The following CORO2B variants were observed in gnomAD, a reference collection of about 807,000 sequenced individuals.
CORO2B encodes coronin-2B.
Under a neutral mutation model 58.8 loss-of-function variants are expected in CORO2B, and 26 were observed. The ratio of observed to expected loss-of-function variants is 0.44; its 90% confidence interval spans 0.32 to 0.61. CORO2B has a LOEUF of 0.61. CORO2B is among the 20% of genes least tolerant of loss of function. The pLI, the probability that CORO2B is intolerant of heterozygous loss-of-function variation, is 0.04. For missense variants in CORO2B, 460 were observed against 645.1 expected, an observed-to-expected ratio of 0.71 and a Z score of 3.11; for synonymous variants, 242 against 253.8, an observed-to-expected ratio of 0.95 and a Z score of 0.44.
chr15:68,634,705 C>CT (rs1396692652), intron 1 of CORO2B, among the ~76,000 whole-genome samples: 1 of 152,140 alleles, frequency 6.6e-6, no homozygotes, highest in East Asian at 1.9e-4. Context: ...CCTCAGCAAT[C>CT]TATGTTTTCA....
intron 2 of CORO2B, among the ~76,000 whole-genome samples, chr15:68,646,912 G>A (rs1035360619): frequency 1.3e-5 from 2 of 152,082 alleles, no homozygotes; most frequent in Non-Finnish European, 2.9e-5. Context: ...TGAATCAGAT[G>A]GCCTCCGATC....
At chr15:68,551,126 C>T in the CORO2B span, among the ~76,000 whole-genome samples, 1 of 152,062 alleles carries the variant, frequency 6.6e-6, no homozygotes, top group Non-Finnish European at 1.5e-5. Context: ...TGGAGGTCCT[C>T]GCTCAGCCTT....
chr15:68,637,085 T>C (rs1332537171), intron 1 of CORO2B, among the ~76,000 whole-genome samples: 1 of 152,230 alleles, frequency 6.6e-6, no homozygotes, highest in Non-Finnish European at 1.5e-5. Flanking sequence ...TCCCAAATGT[T>C]GGTTCCACAG....
the CORO2B span, among the ~76,000 whole-genome samples, chr15:68,555,416 T>C: frequency 1.3e-5 from 2 of 152,286 alleles, no homozygotes; most frequent in Admixed American, 6.5e-5. Context: ...AAACCACTTA[T>C]GTCAAAGCCA....
At chr15:68,550,750 T>C in the CORO2B span, among the ~76,000 whole-genome samples, 1 of 152,104 alleles carries the variant, frequency 6.6e-6, no homozygotes, top group Non-Finnish European at 1.5e-5. Context: ...AAGAGGCAGG[T>C]GGGTGGCTTG....
At chr15:68,662,786 C>T (rs956070630) in intron 2 of CORO2B, among the ~76,000 whole-genome samples, 1 of 152,220 alleles carries the variant, frequency 6.6e-6, no homozygotes, top group Non-Finnish European at 1.5e-5. Context: ...CTGCAAATGA[C>T]ACCATGTATG....
intron 2 of CORO2B, among the ~76,000 whole-genome samples, chr15:68,685,368 A>G (rs1235667591): frequency 6.6e-6 from 1 of 152,052 alleles, no homozygotes; most frequent in East Asian, 1.9e-4. Context: ...GTGTCACCAC[A>G]TCCAGCTAAT....
At chr15:68,599,961 C>T (rs147325494) in intron 1 of CORO2B, among the ~76,000 whole-genome samples, 11 of 152,288 alleles carry the variant, frequency 7.2e-5, no homozygotes, top group Non-Finnish European at 1.6e-4. Flanking sequence ...CCCCTCCCAC[C>T]CCTTGGTGTG....
chr15:68,725,769 A>ACT, intron 11 of CORO2B, 74 bp from the exon 12 acceptor site: 1 of 1,581,556 alleles, frequency 6.3e-7, no homozygotes, highest in Non-Finnish European at 8.6e-7. Flanking sequence ...GCAGCTGGAG[A>ACT]CTCACCTGGG....
At chr15:68,574,602 G>C (rs2140544632), upstream of CORO2B, among the ~76,000 whole-genome samples, 2 of 151,684 alleles carry the variant, frequency 1.3e-5, no homozygotes, top group Middle Eastern at 3.4e-3. Context: ...CTTGAATCAG[G>C]AGGTTATTAA....
intron 2 of CORO2B, among the ~76,000 whole-genome samples, chr15:68,659,183 T>C (rs965828024): frequency 5.3e-5 from 8 of 152,194 alleles, no homozygotes; most frequent in Admixed American, 5.2e-4. Flanking sequence ...TAGCAGTTAC[T>C]GGAGTGTCTT....
chr15:68,610,248 T>A (rs142520769), intron 1 of CORO2B, among the ~76,000 whole-genome samples: 1 of 152,080 alleles, frequency 6.6e-6, no homozygotes, highest in African/African-American at 2.4e-5. Flanking sequence ...TAGGACTTCA[T>A]AGGACGAGAC....
intron 1 of CORO2B, among the ~76,000 whole-genome samples, chr15:68,594,981 A>T (rs957836301): frequency 6.6e-6 from 1 of 152,232 alleles, no homozygotes; most frequent in African/African-American, 2.4e-5. Context: ...AAAAGAGTGA[A>T]CTATCAGTCC....
At chr15:68,577,106 C>A (rs1447948367), upstream of CORO2B, among the ~76,000 whole-genome samples, 1 of 152,064 alleles carries the variant, frequency 6.6e-6, no homozygotes, top group Non-Finnish European at 1.5e-5. Context: ...AGAGGAGACG[C>A]CTGAGGTCTG....
In CORO2B at chr15:68,726,138, C is replaced by T. The variant is rs1410431550; in HGVS notation, c.*164C>T. 7 of 858,212 alleles carry T rather than the reference C, an allele frequency of 8.2e-6. No individual in the cohort carries two copies. Among genetic ancestry groups the T allele is most frequent in the Non-Finnish European group, 1.2e-5 (7 of 562,966 alleles). The allele number at this position is 858,212 out of a possible 1,614,324, so 53.2% of individuals were successfully genotyped here. A position where few individuals can be genotyped will look rare whatever the true frequency, so the allele number is the denominator to read the frequency against. On this transcript the variant is annotated 3_prime_UTR_variant, in exon 12 of 12. Coordinates refer to ENST00000261861, the MANE Select transcript of CORO2B (RefSeq NM_006091.5). ...AGAACTGGAAGCCAACCTCTAACCTCCTGACCTCATGCTAATAAAAGTCCC... is the reference window on the plus strand; with the variant it reads ...AGAACTGGAAGCCAACCTCTAACCTTCTGACCTCATGCTAATAAAAGTCCC...
chr15:68,677,630 G>A (rs1902631675), intron 2 of CORO2B, among the ~76,000 whole-genome samples: 3 of 152,190 alleles, frequency 2.0e-5, no homozygotes, highest in Non-Finnish European at 1.5e-5. Flanking sequence ...CCATGGGCAG[G>A]AAGAAAATAG....
chr15:68,562,772 C>G, the CORO2B span, among the ~76,000 whole-genome samples: 3 of 151,402 alleles, frequency 2.0e-5, no homozygotes, highest in African/African-American at 7.3e-5. Context: ...GTCAGGAGAT[C>G]GAAACCATCC....
rs1330134598 is a variant in CORO2B at position 68,710,246 on chromosome 15, A to G, written c.334-486A>G. 6.6e-6 allele frequency among the ~76,000 whole-genome samples: 1 copy of G among 152,164 alleles called. No homozygotes were observed. Among genetic ancestry groups the G allele is most frequent in the African/African-American group, 2.4e-5 (1 of 41,436 alleles). On this transcript the variant is annotated intron_variant, in intron 3 of 11. Transcript: ENST00000261861. This position sits in a 1 kb window ranked among gnomAD's most constrained non-coding sequence, Gnocchi z 4.1. ...GAGACCTGGGGCCCCTCAGCCTCCC[A>G]GATGCAGTTCCCCCTGCCCAGGGGT... is the stretch of plus-strand genomic sequence containing the variant.
At chr15:68,591,244 T>G (rs912155761) in intron 1 of CORO2B, among the ~76,000 whole-genome samples, 1 of 152,156 alleles carries the variant, frequency 6.6e-6, no homozygotes, top group African/African-American at 2.4e-5. Flanking sequence ...GAAGGAGAGA[T>G]CTTCCCTCAG....
Sources: allele counts gnomAD v4.1 joint callset (sites outside exome capture counted in the v4.1 genomes callset), GRCh38; gene constraint gnomAD v4.1.1; non-coding constraint Gnocchi (gnomAD v3.1); transcripts MANE v1.5; gene names NCBI Gene and HGNC (gene_info 2026-07-23, HGNC 2026-07-21).